FBXO42: variants seen among roughly 807,000 people sequenced by gnomAD.
FBXO42 encodes the protein F-box only protein 42.
A neutral mutation model predicts 71.7 loss-of-function variants in FBXO42; 12 were observed. The ratio of observed to expected loss-of-function variants is 0.17; its 90% CI spans 0.11 to 0.27. The LOEUF is 0.27. Ranked by LOEUF, FBXO42 falls within the 10% of genes least tolerant of loss-of-function variation. The pLI is 1.00. For missense variants in FBXO42, 707 were observed against 911.9 expected, an observed-to-expected ratio of 0.78 and a Z score of 2.89; for synonymous variants, 325 against 327.5, an observed-to-expected ratio of 0.99 and a Z score of 0.08.
intron 6 of FBXO42, among the ~76,000 whole-genome samples, chr1:16,254,675 G>A (rs2081621702): frequency 6.6e-6 from 1 of 152,198 alleles, no homozygotes. Context: ...GGGAGGACAG[G>A]TGTGGGATGG....
intron 4 of FBXO42, among the ~76,000 whole-genome samples, chr1:16,283,727 C>G (rs1256355970): frequency 1.3e-5 from 2 of 151,944 alleles, no homozygotes; most frequent in Non-Finnish European, 2.9e-5. Flanking sequence ...GAACTCCTGA[C>G]CTAGTGATCC....
At chr1:16,279,865 G>C (rs1238333193) in intron 4 of FBXO42, among the ~76,000 whole-genome samples, 1 of 33,364 alleles carries the variant, frequency 3.0e-5, no homozygotes, top group African/African-American at 1.3e-4. Flanking sequence ...TTTTTTTTTT[G>C]AGACAGAGTC....
rs564260935 is a variant in FBXO42, at chr1:16,267,996, C to A, written c.503-11237G>T. ...GCAGCACTTATCAGCTAAAAATGAA[C>A]AATACAAAAGCCAGTAATAGTTCCT... On this transcript the variant is annotated intron_variant, in intron 4 of 9. Transcript: ENST00000375592. Among the ~76,000 whole-genome samples the A allele has an allele frequency of 8.5e-5, 13 of 152,126 alleles. No individual in the cohort carries two copies. The South Asian group carries it at 2.7e-3, about 32-fold the overall frequency.
chr1:16,266,333 C>T (rs2081773051), intron 4 of FBXO42, among the ~76,000 whole-genome samples: 1 of 151,062 alleles, frequency 6.6e-6, no homozygotes, highest in South Asian at 2.1e-4. Flanking sequence ...AATAAGTTTG[C>T]TAACAGCTAG....
chr1:16,292,718 C>T (rs2082092329), intron 4 of FBXO42: 1 of 152,098 alleles, frequency 6.6e-6, no homozygotes, highest in Admixed American at 6.5e-5. Flanking sequence ...TCCATTTTAA[C>T]AAGAAAGAGC....
At chr1:16,332,539 C>A (rs889437937) in intron 1 of FBXO42, among the ~76,000 whole-genome samples, 5 of 145,996 alleles carry the variant, frequency 3.4e-5, no homozygotes, top group Non-Finnish European at 7.6e-5. Flanking sequence ...TAATGAATTT[C>A]TTTTCCTTTT....
At chr1:16,255,919 T>C in intron 5 of FBXO42, 98 bp from the exon 6 acceptor site, 1 of 800,422 alleles carries the variant, frequency 1.2e-6, no homozygotes, top group Non-Finnish European at 2.0e-6. Flanking sequence ...ATCCTATCAC[T>C]TTCAGCAGAG....
At chr1:16,330,002 C>T (rs748118919) in intron 1 of FBXO42, among the ~76,000 whole-genome samples, 10 of 152,156 alleles carry the variant, frequency 6.6e-5, no homozygotes, top group Non-Finnish European at 1.2e-4. Flanking sequence ...CCAAATAATT[C>T]GTGTATGTAC....
intron 1 of FBXO42, among the ~76,000 whole-genome samples, chr1:16,316,169 CAAAAA>C (rs58485035): frequency 1.8e-5 from 2 of 109,072 alleles, no homozygotes; most frequent in Non-Finnish European, 3.6e-5. Flanking sequence ...ACCTCCATCT[CAAAAA>C]AAAAAAAAAA....
intron 4 of FBXO42, chr1:16,294,564 A>G (rs2082110180): frequency 3.8e-6 from 2 of 520,538 alleles, no homozygotes; most frequent in East Asian, 3.2e-5. Context: ...CAGTACAGCA[A>G]TTTTGGCAGG....
In FBXO42 at chr1:16,294,457, G is replaced by A. The variant is rs556285879; in HGVS notation, c.502+326C>T. 37 of 257,464 alleles carry A rather than the reference G, an allele frequency of 1.4e-4. No individual in the cohort carries two copies. The East Asian group carries it at 2.7e-3, about 19-fold the overall frequency. 15.9% of individuals were successfully genotyped at this position (257,464 alleles called of 1,614,324 possible). Reference sequence around the variant, plus strand: ...TCTGTCAGTCAACTACAGTTCTCACGACTCTGTGTTTCTGTTCTTACTTCA... The same window carrying A: ...TCTGTCAGTCAACTACAGTTCTCACAACTCTGTGTTTCTGTTCTTACTTCA... On this transcript the variant is annotated intron_variant, in intron 4 of 9. Transcript: ENST00000375592.
intron 4 of FBXO42, among the ~76,000 whole-genome samples, chr1:16,287,122 T>C (rs1371773446): frequency 6.6e-6 from 1 of 152,226 alleles, no homozygotes; most frequent in Non-Finnish European, 1.5e-5. Flanking sequence ...CCTTTCATTT[T>C]CTGTCCAACC....
At chr1:16,340,138 T>C (rs2082588931) in intron 1 of FBXO42, among the ~76,000 whole-genome samples, 1 of 150,866 alleles carries the variant, frequency 6.6e-6, no homozygotes, top group Non-Finnish European at 1.5e-5. Flanking sequence ...ATCGTGCCAC[T>C]GCACTCCAGT....
At chr1:16,275,955 C>T (rs12142913) in intron 4 of FBXO42, among the ~76,000 whole-genome samples, 52,993 of 151,424 alleles carry the variant, frequency 0.35, 9,710 homozygotes, top group African/African-American at 0.41. Context: ...AGAGTGAGAC[C>T]CCGTCTCAAA....
At chr1:16,334,418 C>CAAAA (rs757658037) in intron 1 of FBXO42, among the ~76,000 whole-genome samples, 53 of 52,636 alleles carry the variant, frequency 1.0e-3, no homozygotes, top group African/African-American at 2.0e-3. Context: ...GACTCCGCCT[C>CAAAA]AAAAAAAAAA....
At chr1:16,285,683 C>T (rs2082014693) in intron 4 of FBXO42, among the ~76,000 whole-genome samples, 1 of 152,176 alleles carries the variant, frequency 6.6e-6, no homozygotes, top group Middle Eastern at 3.2e-3. Flanking sequence ...CATGACTTGA[C>T]CTCTTCGCTG....
At chr1:16,347,026 T>C (rs2082659538) in intron 1 of FBXO42, among the ~76,000 whole-genome samples, 1 of 151,824 alleles carries the variant, frequency 6.6e-6, no homozygotes, top group African/African-American at 2.4e-5. Context: ...ATTATAGGCA[T>C]GAGCCACCGC....
chr1:16,258,014 T>C (rs1021419513), intron 4 of FBXO42, among the ~76,000 whole-genome samples: 3 of 152,150 alleles, frequency 2.0e-5, no homozygotes, highest in Admixed American at 6.6e-5. Flanking sequence ...CTTTTTTTTT[T>C]CTTTTTGGTT....
chr1:16,348,657 C>T (rs527519564), intron 1 of FBXO42, among the ~76,000 whole-genome samples: 3 of 152,140 alleles, frequency 2.0e-5, no homozygotes, highest in East Asian at 3.9e-4. Flanking sequence ...GCAGAGATTG[C>T]GCCACTGCAC....
Sources: allele counts gnomAD v4.1 joint callset (sites outside exome capture counted in the v4.1 genomes callset), GRCh38; gene constraint gnomAD v4.1.1; transcripts MANE v1.5; gene names NCBI Gene and HGNC (gene_info 2026-07-23, HGNC 2026-07-21).